Variants in LHFPL2 observed in about 807,000 individuals in gnomAD.
LHFPL2 encodes the protein LHFPL tetraspan subfamily member 2 protein.
A neutral mutation model predicts 17.5 loss-of-function variants in LHFPL2; 7 were observed. The ratio of observed to expected loss-of-function variants is 0.40; its 90% CI spans 0.23 to 0.75. The LOEUF (loss-of-function observed/expected upper bound fraction) is 0.75. Ranked by LOEUF, LHFPL2 falls within the 30% of genes least tolerant of loss-of-function variation. LHFPL2 has a pLI of 0.37. For synonymous variants in LHFPL2, 134 were observed against 116.2 expected (o/e 1.15, Z -0.99); for missense variants, 241 against 294.8 (o/e 0.82, Z 1.34).
At chr5:78,491,198 T>C (rs984132457) in intron 4 of LHFPL2, 1 of 144,468 alleles carries the variant, frequency 6.9e-6, no homozygotes, top group African/African-American at 2.6e-5. Context: ...TCAGATGGCC[T>C]CAAGGGACTT....
At chr5:78,528,456 C>T (rs888301177) in intron 3 of LHFPL2, among the ~76,000 whole-genome samples, 5 of 152,188 alleles carry the variant, frequency 3.3e-5, no homozygotes, top group African/African-American at 7.2e-5. Context: ...AATCTAATAC[C>T]TGATGATCTG....
chr5:78,506,779 G>A (rs888791033), intron 4 of LHFPL2, among the ~76,000 whole-genome samples: 3 of 152,200 alleles, frequency 2.0e-5, no homozygotes, highest in Non-Finnish European at 2.9e-5. Context: ...GTTCTTTCCT[G>A]TATTTCAGCA....
Position 78,488,355 on chromosome 5 carries a change from C to A in LHFPL2, c.*542G>T. 1 of 163,222 alleles carries A rather than the reference C, an allele frequency of 6.1e-6. No homozygotes were observed. The highest frequency in any genetic ancestry group is 5.6e-5 in the Admixed American group (1 of 17,754). The allele number at this position is 163,222 out of a possible 1,614,324, so 10.1% of individuals were successfully genotyped here. A position where few individuals can be genotyped will look rare whatever the true frequency, so the allele number is the denominator to read the frequency against. ...ATGACTCCACGCCATCCCTGCTGAC[C>A]CCTTTGGTCAGCTAAGCAAAAGACA... On this transcript the variant is annotated 3_prime_UTR_variant, in exon 5 of 5. Transcript: ENST00000380345.
At chr5:78,628,184 G>C (rs1296557676) in intron 2 of LHFPL2, among the ~76,000 whole-genome samples, 1 of 152,160 alleles carries the variant, frequency 6.6e-6, no homozygotes, top group Non-Finnish European at 1.5e-5. Context: ...ATGCCATCTT[G>C]CTGTGATAAA....
intron 3 of LHFPL2, among the ~76,000 whole-genome samples, chr5:78,520,184 C>T (rs10474556): frequency 0.37 from 56,374 of 151,946 alleles, 10,616 homozygotes; most frequent in South Asian, 0.44. Flanking sequence ...ATGTTTCTGC[C>T]GCTTATCTCC....
chr5:78,623,387 ACAT>A (rs1214930858), intron 2 of LHFPL2, among the ~76,000 whole-genome samples: 1 of 152,242 alleles, frequency 6.6e-6, no homozygotes, highest in Non-Finnish European at 1.5e-5. Context: ...AATTTTGTAA[ACAT>A]GAACACTATT....
chr5:78,528,560 G>C (rs1755688989), intron 3 of LHFPL2, among the ~76,000 whole-genome samples: 1 of 152,286 alleles, frequency 6.6e-6, no homozygotes, highest in Non-Finnish European at 1.5e-5. Flanking sequence ...GTTGGGGACC[G>C]TTGCTCTATT....
chr5:78,568,206 ATATG>A (rs1322330189), intron 2 of LHFPL2, among the ~76,000 whole-genome samples: 8 of 152,172 alleles, frequency 5.3e-5, no homozygotes, highest in Non-Finnish European at 1.2e-4. Flanking sequence ...TTATCTGTAT[ATATG>A]TATATTATTA....
At chr5:78,644,675 T>A (rs1745799821) in intron 1 of LHFPL2, 1 of 304,038 alleles carries the variant, frequency 3.3e-6, no homozygotes, top group Non-Finnish European at 6.5e-6. Context: ...TCTTCAAATC[T>A]CACTTTCTCT....
At chr5:78,535,195 G>T (rs1360313163) in intron 3 of LHFPL2, among the ~76,000 whole-genome samples, 3 of 152,202 alleles carry the variant, frequency 2.0e-5, no homozygotes, top group African/African-American at 7.2e-5. Context: ...GGTGTCGCCA[G>T]AGCAGGCCAT....
intron 2 of LHFPL2, among the ~76,000 whole-genome samples, chr5:78,571,790 T>C (rs1266792738): frequency 6.6e-6 from 1 of 152,172 alleles, no homozygotes; most frequent in Non-Finnish European, 1.5e-5. Context: ...GCCCATCATA[T>C]GGATGGATAA....
chr5:78,536,491 A>G (rs1755954573), intron 3 of LHFPL2, among the ~76,000 whole-genome samples: 1 of 152,208 alleles, frequency 6.6e-6, no homozygotes, highest in Non-Finnish European at 1.5e-5. Context: ...CTGGCCTCTC[A>G]GGGAATGGTT....
chr5:78,555,794 G>A (rs1379176253), intron 3 of LHFPL2, among the ~76,000 whole-genome samples: 1 of 152,210 alleles, frequency 6.6e-6, no homozygotes, highest in Non-Finnish European at 1.5e-5. Flanking sequence ...GAAAAGGTAA[G>A]GGAGAAAAGG....
chr5:78,619,760 G>GT (rs1235280063), intron 2 of LHFPL2, among the ~76,000 whole-genome samples: 2 of 136,206 alleles, frequency 1.5e-5, no homozygotes, highest in African/African-American at 2.7e-5. Context: ...GCGGTGTTTG[G>GT]TTTTTTGTCC....
At position 78,591,291 on chromosome 5, in the gene LHFPL2, G is replaced by A. The variant is rs1743618303; in HGVS notation, c.-244-26420C>T. Among the ~76,000 whole-genome samples the A allele has an allele frequency of 7.2e-5, 11 of 152,326 alleles. 1 individual carries two copies. In the South Asian group the frequency reaches 2.3e-3, roughly 32 times the overall value. On this transcript the variant is annotated intron_variant, in intron 2 of 4. Coordinates refer to ENST00000380345, the MANE Select transcript of LHFPL2 (RefSeq NM_005779.3). The stretch of plus-strand genomic sequence containing the variant: ...AACAAATGAAATTCAAAGAACGGGG[G>A]AAGCAGTTGACCTCAAGTGCCCTGC...
intron 3 of LHFPL2, among the ~76,000 whole-genome samples, chr5:78,538,259 G>A (rs1045066628): frequency 6.6e-5 from 10 of 152,182 alleles, no homozygotes; most frequent in South Asian, 2.1e-4. Context: ...GGGTTCCAAC[G>A]TTCATGTCTC....
chr5:78,560,316 C>T (rs1257381441), intron 3 of LHFPL2, among the ~76,000 whole-genome samples: 1 of 152,192 alleles, frequency 6.6e-6, no homozygotes, highest in Non-Finnish European at 1.5e-5. Context: ...CAACTGCTGC[C>T]GAAAACTAAG....
rs1454490721 is a variant in LHFPL2, at chr5:78,486,160, C to T, written c.*2737G>A. 6.6e-6 allele frequency: 1 copy of T among 152,568 alleles called. No homozygotes were observed. Among genetic ancestry groups the T allele is most frequent in the Non-Finnish European group, 1.5e-5 (1 of 68,026 alleles). 9.5% of individuals were successfully genotyped at this position (152,568 alleles called of 1,614,324 possible). The stretch of plus-strand genomic sequence containing the variant: ...TACAGAATATATGTTTAACAAAGAT[C>T]ATTACACCACAGATGTTTGAAAACT... On this transcript the variant is annotated 3_prime_UTR_variant, in exon 5 of 5. Coordinates refer to ENST00000380345, the MANE Select transcript of LHFPL2 (RefSeq NM_005779.3).
chr5:78,506,166 T>C (rs928055776), intron 4 of LHFPL2, among the ~76,000 whole-genome samples: 1 of 152,266 alleles, frequency 6.6e-6, no homozygotes, highest in African/African-American at 2.4e-5. Context: ...AGCAGATTCT[T>C]TCACACCCAG....
Sources: gnomAD v4.1 joint callset for allele counts (sites outside exome capture counted in the v4.1 genomes callset) on GRCh38, gnomAD v4.1.1 for gene constraint, MANE v1.5 for transcripts, NCBI Gene and HGNC (gene_info 2026-07-23, HGNC 2026-07-21) for gene names.